FANCL: variants seen among roughly 807,000 people sequenced by gnomAD.
The protein encoded by FANCL is E3 ubiquitin-protein ligase FANCL.
FANCL carries 69 observed loss-of-function variants against 59.4 expected under a neutral mutation model. The observed-to-expected ratio is 1.16, with a 90% CI of 0.96 to 1.42. FANCL has a LOEUF of 1.42. Ranked by LOEUF, FANCL falls within the 40% of genes most tolerant of loss-of-function variation. FANCL has a pLI of 0.00. For synonymous variants in FANCL, 180 were observed against 147.1 expected, an observed-to-expected ratio of 1.22 and a Z score of -1.62; for missense variants, 519 against 447.2, an observed-to-expected ratio of 1.16 and a Z score of -1.45.
chr2:58,160,289 C>G (rs1684935811), intron 12 of FANCL, 110 bp from the exon 13 acceptor site: 2 of 1,153,038 alleles, frequency 1.7e-6, no homozygotes, highest in East Asian at 4.8e-5. Flanking sequence ...TTCCAGAAGA[C>G]TTAGCTTAAT....
chr2:58,170,513 A>T (rs1209147226), intron 7 of FANCL, among the ~76,000 whole-genome samples: 6 of 152,202 alleles, frequency 3.9e-5, no homozygotes, highest in African/African-American at 9.7e-5. Flanking sequence ...TAATGACAGG[A>T]TCAAATTTAC....
At chr2:58,224,286 A>C (rs964697321) in intron 4 of FANCL, among the ~76,000 whole-genome samples, 7 of 151,858 alleles carry the variant, frequency 4.6e-5, no homozygotes, top group African/African-American at 1.7e-4. Flanking sequence ...AAATTATAAT[A>C]AAAAGATAAA....
chr2:58,198,112 G>C (rs982983515), intron 7 of FANCL, among the ~76,000 whole-genome samples: 1 of 151,662 alleles, frequency 6.6e-6, no homozygotes, highest in Non-Finnish European at 1.5e-5. Context: ...TGCATGTAGA[G>C]AGGGAGAAAG....
At chr2:58,160,290 T>G (rs1159645546) in intron 12 of FANCL, 111 bp from the exon 13 acceptor site, 122 of 1,131,368 alleles carry the variant, frequency 1.1e-4, no homozygotes, top group Non-Finnish European at 1.4e-4. Flanking sequence ...TCCAGAAGAC[T>G]TAGCTTAATT....
intron 7 of FANCL, among the ~76,000 whole-genome samples, chr2:58,184,244 G>A (rs1289805636): frequency 6.6e-6 from 1 of 151,802 alleles, no homozygotes; most frequent in Non-Finnish European, 1.5e-5. Context: ...TTTACTCTTT[G>A]ATCAAAATAA....
At chr2:58,224,515 A>G (rs953773447) in intron 4 of FANCL, among the ~76,000 whole-genome samples, 1 of 151,892 alleles carries the variant, frequency 6.6e-6, no homozygotes, top group African/African-American at 2.4e-5. Context: ...ACATTTAATC[A>G]AAGTCCTACC....
chr2:58,168,458 A>T lies in FANCL; in HGVS notation c.541-2584T>A, dbSNP rs559242790. Among the ~76,000 whole-genome samples the T allele has an allele frequency of 4.6e-5, 7 of 152,282 alleles. No homozygotes were observed. In the East Asian group the frequency reaches 1.3e-3, roughly 29 times the overall value. On this transcript the variant is annotated intron_variant, in intron 7 of 13. Transcript: ENST00000233741. ...CCACGGTCTTCACAACCCGCAGATC[A>T]GGAGATTCCCTCTGGTGCCTATTTC...
chr2:58,178,498 A>T (rs557316444), intron 7 of FANCL, among the ~76,000 whole-genome samples: 1 of 152,352 alleles, frequency 6.6e-6, no homozygotes, highest in East Asian at 1.9e-4. Context: ...TTATCTCAAT[A>T]GATGCAGAAA....
At chr2:58,232,194 G>C (rs1260236579) in intron 1 of FANCL, 82 bp from the exon 2 acceptor site, 1 of 1,148,638 alleles carries the variant, frequency 8.7e-7, no homozygotes, top group African/African-American at 1.5e-5. Context: ...ACAAAGAAAA[G>C]ACAATGTTTT....
At chr2:58,180,473 T>C (rs1360007486) in intron 7 of FANCL, among the ~76,000 whole-genome samples, 1 of 151,822 alleles carries the variant, frequency 6.6e-6, no homozygotes, top group East Asian at 1.9e-4. Flanking sequence ...AACCAAACAC[T>C]GCATGTTCTC....
At chr2:58,240,177 A>AT (rs1470442407) in intron 1 of FANCL, among the ~76,000 whole-genome samples, 5 of 152,110 alleles carry the variant, frequency 3.3e-5, no homozygotes, top group Admixed American at 6.6e-5. Context: ...CAAGAGAATC[A>AT]TATTTTCAGC....
intron 5 of FANCL, among the ~76,000 whole-genome samples, chr2:58,206,642 C>T (rs1558793767): frequency 6.6e-6 from 1 of 152,192 alleles, no homozygotes; most frequent in East Asian, 1.9e-4. Context: ...AATCACATAA[C>T]ATAAAATTAT....
intron 7 of FANCL, among the ~76,000 whole-genome samples, chr2:58,196,188 T>C (rs534368159): frequency 1.5e-3 from 225 of 152,236 alleles, no homozygotes; most frequent in African/African-American, 5.2e-3. Flanking sequence ...GGATGGCCTA[T>C]ATACCAATTT....
chr2:58,179,171 A>C (rs994518200), intron 7 of FANCL, among the ~76,000 whole-genome samples: 1 of 152,250 alleles, frequency 6.6e-6, no homozygotes, highest in Non-Finnish European at 1.5e-5. Flanking sequence ...AGTAATTTAT[A>C]GATTCAATGC....
intron 7 of FANCL, among the ~76,000 whole-genome samples, chr2:58,178,458 C>G: frequency 6.6e-6 from 1 of 152,092 alleles, no homozygotes; most frequent in South Asian, 2.1e-4. Flanking sequence ...ACCCATCACA[C>G]AAACAGAACC....
Position 58,232,385 on chromosome 2 carries a change from A to C in FANCL, c.97-273T>G, listed in dbSNP as rs568191767. On this transcript the variant is annotated intron_variant, in intron 1 of 13. Transcript: ENST00000233741. Reference sequence around the variant, plus strand: ...TTTAAAGAGAAAGTCACTCACAAACACAAGAAATATTACAAAATTGCTAAC... The same window carrying C: ...TTTAAAGAGAAAGTCACTCACAAACCCAAGAAATATTACAAAATTGCTAAC... 4.6e-5 allele frequency among the ~76,000 whole-genome samples: 7 copies of C among 152,186 alleles called. 1 individual carries two copies. In the Middle Eastern group the frequency reaches 0.014, roughly 296 times the overall value.
chr2:58,239,975 G>A (rs1694362117), intron 1 of FANCL, among the ~76,000 whole-genome samples: 1 of 152,076 alleles, frequency 6.6e-6, no homozygotes, highest in Non-Finnish European at 1.5e-5. Context: ...TGGAATTCTA[G>A]CTATAGCAAT....
chr2:58,202,870 CAG>C (rs1690185560), intron 6 of FANCL, among the ~76,000 whole-genome samples: 1 of 151,648 alleles, frequency 6.6e-6, no homozygotes, highest in African/African-American at 2.4e-5. Context: ...AAAATGAGGA[CAG>C]GGTGTATTTA....
chr2:58,162,009 C>G (rs1048264617), intron 11 of FANCL, among the ~76,000 whole-genome samples: 1 of 151,814 alleles, frequency 6.6e-6, no homozygotes, highest in Non-Finnish European at 1.5e-5. Context: ...ATATACACAG[C>G]TAGGCTAAAA....
Sources: gnomAD v4.1 joint callset for allele counts (sites outside exome capture counted in the v4.1 genomes callset) on GRCh38, gnomAD v4.1.1 for gene constraint, MANE v1.5 for transcripts, NCBI Gene and HGNC (gene_info 2026-07-23, HGNC 2026-07-21) for gene names.